The following GXYLT1 variants were observed in gnomAD, a reference collection of about 807,000 sequenced individuals.
The protein encoded by GXYLT1 is glucoside xylosyltransferase 1, also known as glycosyltransferase 8 domain containing 3.
A neutral mutation model predicts 54.0 loss-of-function variants in GXYLT1; 29 were observed. The observed-to-expected ratio is 0.54, with a 90% CI of 0.40 to 0.73. The LOEUF (loss-of-function observed/expected upper bound fraction) is 0.73, where lower values mean the gene tolerates loss of function less well. Ranked by LOEUF, GXYLT1 falls within the 30% of genes least tolerant of loss-of-function variation. The probability of loss-of-function intolerance (pLI) is 0.00; values close to 1 mark genes in which losing one functional copy is unlikely to be tolerated. For synonymous variants in GXYLT1, 176 were observed against 204.1 expected, an observed-to-expected ratio of 0.86 and a Z score of 1.17; for missense variants, 490 against 553.4, an observed-to-expected ratio of 0.89 and a Z score of 1.15.
chr12:42,103,782 TC>T (rs1367558199), intron 5 of GXYLT1, among the ~76,000 whole-genome samples: 1 of 152,092 alleles, frequency 6.6e-6, no homozygotes, highest in East Asian at 1.9e-4. Flanking sequence ...GTGTTTTTTT[TC>T]ACAGTCATTA....
chr12:42,115,156 A>G (rs1188847402), intron 3 of GXYLT1, among the ~76,000 whole-genome samples: 1 of 152,200 alleles, frequency 6.6e-6, no homozygotes, highest in African/African-American at 2.4e-5. Flanking sequence ...TATCTATGAC[A>G]AACCCACAGC....
At chr12:42,130,961 C>CA (rs1191732576) in intron 1 of GXYLT1, among the ~76,000 whole-genome samples, 8 of 151,682 alleles carry the variant, frequency 5.3e-5, no homozygotes, top group African/African-American at 1.7e-4. Flanking sequence ...CAAACAAAAA[C>CA]AAAAAAAATT....
In GXYLT1 at chr12:42,105,847, T is replaced by G; in HGVS notation, c.835A>C (p.Met279Leu). ...AAATACTTCCTTCTCATTCGAGTCA[T>G]GTTCATCAACATAACTCCAGAGTTT... is the stretch of plus-strand genomic sequence containing the variant. The part of the protein sequence containing the change: ...GVNSGVMLMN[M>L]TRMRRKYFKN... The change falls in exon 5 of 8, where the codon ATG becomes CTG. Residue 279 changes from methionine to leucine, a missense_variant. Transcript: ENST00000398675. 1.2e-6 allele frequency: 2 copies of G among 1,613,174 alleles called. No individual in the cohort carries two copies. Among genetic ancestry groups the G allele is most frequent in the Non-Finnish European group, 1.7e-6 (2 of 1,179,466 alleles).
At chr12:42,108,373 A>T (rs2136892296) in intron 4 of GXYLT1, among the ~76,000 whole-genome samples, 1 of 152,328 alleles carries the variant, frequency 6.6e-6, no homozygotes, top group Admixed American at 6.5e-5. Flanking sequence ...TGTCTCCCAC[A>T]TCAGACAACA....
At chr12:42,115,276 G>A (rs1419902903) in intron 3 of GXYLT1, among the ~76,000 whole-genome samples, 1 of 152,220 alleles carries the variant, frequency 6.6e-6, no homozygotes, top group Middle Eastern at 3.4e-3. Flanking sequence ...GGAAGTTCTG[G>A]CCAGGGCAAT....
chr12:42,093,545 T>C (rs946298946), intron 7 of GXYLT1, among the ~76,000 whole-genome samples: 2 of 152,240 alleles, frequency 1.3e-5, no homozygotes, highest in African/African-American at 4.8e-5. Flanking sequence ...AAAGCACCTT[T>C]ATAATTAAAA....
At chr12:42,109,983 C>T (rs1408193442) in intron 3 of GXYLT1, among the ~76,000 whole-genome samples, 2 of 152,138 alleles carry the variant, frequency 1.3e-5, no homozygotes, top group Non-Finnish European at 1.5e-5. Context: ...TTGTCTTCCT[C>T]AACTTTACCT....
intron 7 of GXYLT1, among the ~76,000 whole-genome samples, chr12:42,089,046 C>A (rs897097656): frequency 2.6e-5 from 4 of 151,730 alleles, no homozygotes; most frequent in African/African-American, 9.7e-5. Context: ...AAACTGTAAG[C>A]ATTAACTGCA....
intron 7 of GXYLT1, among the ~76,000 whole-genome samples, chr12:42,095,475 T>A (rs989005547): frequency 1.3e-5 from 2 of 151,716 alleles, no homozygotes; most frequent in Non-Finnish European, 1.5e-5. Context: ...ATATTTTAAA[T>A]ATAAAAAGCA....
chr12:42,111,394 G>C (rs1372756292), intron 3 of GXYLT1, among the ~76,000 whole-genome samples: 1 of 152,242 alleles, frequency 6.6e-6, no homozygotes, highest in Non-Finnish European at 1.5e-5. Flanking sequence ...AGAAAGGGGT[G>C]ACAGACAGCA....
At chr12:42,101,938 G>A (rs1474339560) in intron 5 of GXYLT1, among the ~76,000 whole-genome samples, 1 of 152,138 alleles carries the variant, frequency 6.6e-6, no homozygotes, top group Non-Finnish European at 1.5e-5. Context: ...TCTGGGTGGA[G>A]GCATGAAAGT....
In GXYLT1 at chr12:42,114,733, CTA is replaced by C. The variant is rs1025477106; in HGVS notation, c.486+4265_486+4266del. ...GGAGCTGGTACCATTCCTTCTGAAA[CTA>C]TTCCAATCAATAGAAAAAGAAGGAA... On this transcript the variant is annotated intron_variant, in intron 3 of 7. Transcript: ENST00000398675. 8.5e-5 allele frequency among the ~76,000 whole-genome samples: 13 copies of C among 152,108 alleles called. No homozygotes were observed. In the East Asian group the frequency reaches 2.5e-3, roughly 29 times the overall value.
intron 3 of GXYLT1, among the ~76,000 whole-genome samples, chr12:42,110,633 T>C (rs61942484): frequency 0.17 from 26,582 of 152,166 alleles, 2,347 homozygotes; most frequent in Admixed American, 0.23. Flanking sequence ...CACTGCAGCC[T>C]TGACTTCCCA....
chr12:42,141,193 C>T (rs915242322), intron 1 of GXYLT1, among the ~76,000 whole-genome samples: 1 of 152,158 alleles, frequency 6.6e-6, no homozygotes, highest in African/African-American at 2.4e-5. Flanking sequence ...GCAACCCAGG[C>T]AAGTCCAATG....
chr12:42,115,035 G>A (rs1169229440), intron 3 of GXYLT1, among the ~76,000 whole-genome samples: 11 of 151,870 alleles, frequency 7.2e-5, no homozygotes, highest in Non-Finnish European at 8.8e-5. Flanking sequence ...AAAACCACAT[G>A]ATTATCTCAA....
At chr12:42,141,243 T>C (rs763752163) in intron 1 of GXYLT1, among the ~76,000 whole-genome samples, 1 of 152,166 alleles carries the variant, frequency 6.6e-6, no homozygotes, top group Non-Finnish European at 1.5e-5. Flanking sequence ...GATTAGAGAA[T>C]AAAACCTGCA....
chr12:42,129,602 TAAC>T (rs1174056364), intron 2 of GXYLT1, among the ~76,000 whole-genome samples, 154 bp downstream of exon 2: 3 of 151,976 alleles, frequency 2.0e-5, no homozygotes, highest in Non-Finnish European at 2.9e-5. Context: ...AAAATAGCAA[TAAC>T]AACTACAAAA....
intron 1 of GXYLT1, among the ~76,000 whole-genome samples, chr12:42,142,259 T>C (rs1170172151): frequency 6.6e-6 from 1 of 152,126 alleles, no homozygotes; most frequent in African/African-American, 2.4e-5. Context: ...CTGATTTGCT[T>C]TGGATCTTGG....
intron 2 of GXYLT1, among the ~76,000 whole-genome samples, chr12:42,124,023 C>T (rs1380682620): frequency 6.8e-6 from 1 of 147,722 alleles, no homozygotes; most frequent in Non-Finnish European, 1.5e-5. Context: ...ATATAAAACA[C>T]TTTCAAAACA....
Sources: allele counts gnomAD v4.1 joint callset (sites outside exome capture counted in the v4.1 genomes callset), GRCh38; gene constraint gnomAD v4.1.1; transcripts MANE v1.5; gene names NCBI Gene and HGNC (gene_info 2026-07-23, HGNC 2026-07-21).